PTPN11: variants seen among roughly 807,000 people sequenced by gnomAD.
PTPN11 encodes the protein protein tyrosine phosphatase non-receptor type 11, also known as tyrosine-protein phosphatase non-receptor type 11.
Under a neutral mutation model 78.8 loss-of-function variants are expected in PTPN11, and 6 were observed. The ratio of observed to expected loss-of-function variants is 0.08; its 90% CI spans 0.04 to 0.15. PTPN11 has a LOEUF of 0.15. Ranked by LOEUF, PTPN11 falls within the 10% of genes least tolerant of loss-of-function variation. PTPN11 has a pLI of 1.00. For synonymous variants in PTPN11, 221 were observed against 263.5 expected (o/e 0.84, Z 1.56); for missense variants, 386 against 744.8 (o/e 0.52, Z 5.61).
intron 10 of PTPN11, among the ~76,000 whole-genome samples, chr12:112,484,880 TTAAAAA>T (rs1002327453): frequency 6.7e-6 from 1 of 149,912 alleles, no homozygotes; most frequent in African/African-American, 2.5e-5. Context: ...GAGTGCCCAG[TTAAAAA>T]TAAAAATAAA....
At chr12:112,450,715 G>C (rs1213598951) in intron 3 of PTPN11, among the ~76,000 whole-genome samples, 2 of 152,154 alleles carry the variant, frequency 1.3e-5, no homozygotes, top group Non-Finnish European at 2.9e-5. Flanking sequence ...GTTTTAATCA[G>C]TGTTACTTAC....
intron 14 of PTPN11, among the ~76,000 whole-genome samples, chr12:112,502,557 G>A (rs1457921421): frequency 6.6e-6 from 1 of 152,114 alleles, no homozygotes; most frequent in Non-Finnish European, 1.5e-5. Context: ...GACCAGCCTG[G>A]CCAACATGGT....
intron 1 of PTPN11, among the ~76,000 whole-genome samples, chr12:112,434,569 C>G (rs1240042493): frequency 2.0e-5 from 3 of 150,828 alleles, no homozygotes; most frequent in Non-Finnish European, 4.4e-5. Flanking sequence ...GATCACGCCA[C>G]TGCATTCCAG....
intron 1 of PTPN11, among the ~76,000 whole-genome samples, chr12:112,424,245 C>T (rs1268067170): frequency 3.9e-5 from 6 of 152,006 alleles, no homozygotes; most frequent in Non-Finnish European, 7.4e-5. Context: ...GAGAAGATCT[C>T]GGAGTGATTG....
intron 6 of PTPN11, chr12:112,457,475 C>A (rs952276611): frequency 5.7e-6 from 1 of 176,352 alleles, no homozygotes; most frequent in African/African-American, 2.4e-5. Context: ...CTGCAATAAA[C>A]ATATGTGTGC....
chr12:112,420,958 T>G (rs1157273516), intron 1 of PTPN11, among the ~76,000 whole-genome samples: 1 of 152,182 alleles, frequency 6.6e-6, no homozygotes, highest in Admixed American at 6.6e-5. Context: ...CAAGTAAGGA[T>G]CTGCTGCTTT....
intron 7 of PTPN11, among the ~76,000 whole-genome samples, chr12:112,473,457 G>A (rs2038450621): frequency 6.6e-6 from 1 of 152,094 alleles, no homozygotes; most frequent in African/African-American, 2.4e-5. Context: ...GTGGGAAACA[G>A]ACAAACACCT....
intron 6 of PTPN11, among the ~76,000 whole-genome samples, chr12:112,470,127 GC>G (rs2135890889): frequency 6.6e-6 from 1 of 152,144 alleles, no homozygotes; most frequent in African/African-American, 2.4e-5. Flanking sequence ...TCACCATATT[GC>G]CCAGGCTGGT....
At chr12:112,493,509 C>T (rs144190651) in intron 13 of PTPN11, among the ~76,000 whole-genome samples, 19 of 151,854 alleles carry the variant, frequency 1.3e-4, no homozygotes, top group African/African-American at 4.6e-4. Context: ...CCACCTCAGC[C>T]TCCCAAGTAG....
At chr12:112,466,732 TAAGTA>T (rs2038331236) in intron 6 of PTPN11, among the ~76,000 whole-genome samples, 3 of 152,044 alleles carry the variant, frequency 2.0e-5, no homozygotes, top group Non-Finnish European at 4.4e-5. Context: ...AGAAAAAAAA[TAAGTA>T]AAGTAACTAT....
intron 1 of PTPN11, 46 bp downstream of exon 1, chr12:112,419,171 G>T: frequency 6.8e-7 from 1 of 1,479,236 alleles, no homozygotes; most frequent in Non-Finnish European, 8.9e-7. Flanking sequence ...CCCGGCCACC[G>T]CCGCGTTCGG....
intron 1 of PTPN11, among the ~76,000 whole-genome samples, chr12:112,422,916 A>G (rs1594123441): frequency 6.6e-6 from 1 of 152,214 alleles, no homozygotes; most frequent in Non-Finnish European, 1.5e-5. Context: ...CAGCCACAGA[A>G]CAATAGAGAA....
chr12:112,435,394 C>T (rs905333220), intron 1 of PTPN11, among the ~76,000 whole-genome samples: 1 of 152,006 alleles, frequency 6.6e-6, no homozygotes, highest in Admixed American at 6.6e-5. Context: ...AGGTCAAGGA[C>T]AAGTGTGAGA....
chr12:112,453,081 T>C, intron 3 of PTPN11, 114 bp from the exon 4 acceptor site: 1 of 893,306 alleles, frequency 1.1e-6, no homozygotes, highest in Admixed American at 2.1e-5. Flanking sequence ...CTTGGAGGAA[T>C]GTGTCTACTT....
Position 112,450,547 on chromosome 12 carries a change from C to T in PTPN11, c.332+35C>T, listed in dbSNP as rs186941126. 1.6e-5 allele frequency: 25 copies of T among 1,586,384 alleles called. No homozygotes were observed. In the East Asian group the frequency reaches 3.8e-4, roughly 24 times the overall value. ...ATTTTAGTGACCACAAAGTCTGCTG[C>T]TCCCTTGTGCCCTGAGTGTCAGAAA... On this transcript the variant is annotated intron_variant, in intron 3 of 15. Coordinates refer to ENST00000351677, the MANE Select transcript of PTPN11 (RefSeq NM_002834.5).
Sources: gnomAD v4.1 joint callset for allele counts (sites outside exome capture counted in the v4.1 genomes callset) on GRCh38, gnomAD v4.1.1 for gene constraint, MANE v1.5 for transcripts, NCBI Gene and HGNC (gene_info 2026-07-23, HGNC 2026-07-21) for gene names.